AOAH: variants seen among roughly 807,000 people sequenced by gnomAD.
AOAH encodes acyloxyacyl hydrolase, also known as acyloxyacyl hydrolase (neutrophil).
AOAH carries 64 observed loss-of-function variants against 92.2 expected under a neutral mutation model. The observed-to-expected ratio is 0.69, with a 90% CI of 0.57 to 0.86. The LOEUF is 0.86. AOAH is among the 40% of genes least tolerant of loss of function. The pLI, the probability that AOAH is intolerant of heterozygous loss-of-function variation, is 0.00. For synonymous variants in AOAH, 263 were observed against 254.5 expected, an observed-to-expected ratio of 1.03 and a Z score of -0.32; for missense variants, 656 against 694.6, an observed-to-expected ratio of 0.94 and a Z score of 0.62.
At chr7:36,682,603 A>G (rs1329605212) in intron 2 of AOAH, among the ~76,000 whole-genome samples, 1 of 152,170 alleles carries the variant, frequency 6.6e-6, no homozygotes, top group Non-Finnish European at 1.5e-5. Context: ...CATTAATAAA[A>G]TGATATAAGA....
chr7:36,722,297 A>G (rs1015894126), intron 1 of AOAH, among the ~76,000 whole-genome samples: 1 of 152,100 alleles, frequency 6.6e-6, no homozygotes, highest in Non-Finnish European at 1.5e-5. Flanking sequence ...CTTACCCTCT[A>G]TGACCTCACT....
At chr7:36,659,424 T>A (rs1231486631) in intron 3 of AOAH, among the ~76,000 whole-genome samples, 159 bp from the exon 4 acceptor site, 1 of 152,190 alleles carries the variant, frequency 6.6e-6, no homozygotes, top group African/African-American at 2.4e-5. Flanking sequence ...TGCTGGATGG[T>A]AATGATTTCC....
At chr7:36,514,684 A>G in intron 20 of AOAH, 1 of 851,172 alleles carries the variant, frequency 1.2e-6, no homozygotes. Flanking sequence ...ATGCTGAGCA[A>G]TGAGAAATGT....
rs149881594 is a variant in AOAH at position 36,548,342 on chromosome 7, T to C, written c.1133+270A>G. 9.6e-3 allele frequency among the ~76,000 whole-genome samples: 1,467 copies of C among 152,302 alleles called. 18 individuals carry two copies. Among genetic ancestry groups the C allele is most frequent in the African/African-American group, 0.033 (1,388 of 41,546 alleles). On this transcript the variant is annotated intron_variant, in intron 15 of 20. Coordinates refer to ENST00000617537, the MANE Select transcript of AOAH (RefSeq NM_001637.4). ...CTGAGATTACAGGCACACGCCACCA[T>C]GCCCAGCTAATTGTTGTATTTTTAG... is the stretch of plus-strand genomic sequence containing the variant.
intron 11 of AOAH, 60 bp downstream of exon 11, chr7:36,616,320 C>A (rs1010734012): frequency 2.7e-5 from 38 of 1,383,376 alleles, no homozygotes; most frequent in Non-Finnish European, 3.8e-5. Context: ...TTAGAGAGAG[C>A]AAGAGGAAAC....
intron 1 of AOAH, among the ~76,000 whole-genome samples, chr7:36,715,911 G>A (rs936470007): frequency 1.3e-5 from 2 of 152,112 alleles, no homozygotes; most frequent in African/African-American, 2.4e-5. Context: ...GGACATAGGT[G>A]TGGGCAAGGA....
chr7:36,678,550 AGTGTGTGTGTGT>A (rs529261307), intron 2 of AOAH, among the ~76,000 whole-genome samples: 1,851 of 118,918 alleles, frequency 0.016, 40 homozygotes, highest in East Asian at 0.028. Flanking sequence ...TAAGATAAGC[AGTGTGTGTGTGT>A]GTGTGTGTGT....
chr7:36,540,170 C>T (rs1785323774), intron 16 of AOAH, 149 bp downstream of exon 16: 2 of 660,900 alleles, frequency 3.0e-6, no homozygotes, highest in African/African-American at 1.9e-5. Context: ...CCTTTAGATA[C>T]TGCACCTAGG....
Position 36,513,001 on chromosome 7 carries a change from T to A in AOAH, c.*251A>T, listed in dbSNP as rs1790128271. The A allele has an allele frequency of 1.3e-6, 2 of 1,496,438 alleles. No homozygotes were observed. The highest frequency in any genetic ancestry group is 4.0e-5 in the Admixed American group (2 of 50,220). The allele number at this position is 1,496,438 out of a possible 1,614,324, so 92.7% of individuals were successfully genotyped here. A position where few individuals can be genotyped will look rare whatever the true frequency, so the allele number is the denominator to read the frequency against. On this transcript the variant is annotated 3_prime_UTR_variant, in exon 21 of 21. Transcript: ENST00000617537. ...TAAAGGGCACAGATACTCTCTTGTTTGGAATGGCACCCAAAGCACTTTATG... is the reference window on the plus strand; with the variant it reads ...TAAAGGGCACAGATACTCTCTTGTTAGGAATGGCACCCAAAGCACTTTATG...
At chr7:36,587,491 G>A (rs59137335) in intron 12 of AOAH, among the ~76,000 whole-genome samples, 36,498 of 151,776 alleles carry the variant, frequency 0.24, 5,435 homozygotes, top group African/African-American at 0.41. Flanking sequence ...ACCTTGTTAC[G>A]TTAAAATGCA....
chr7:36,689,293 G>T (rs1797243662), intron 1 of AOAH, among the ~76,000 whole-genome samples: 1 of 152,194 alleles, frequency 6.6e-6, no homozygotes, highest in African/African-American at 2.4e-5. Flanking sequence ...ATATGGTGGA[G>T]ACTGGGTTGT....
chr7:36,542,343 T>C (rs1439151497), intron 15 of AOAH, among the ~76,000 whole-genome samples: 2 of 152,206 alleles, frequency 1.3e-5, no homozygotes, highest in Non-Finnish European at 2.9e-5. Flanking sequence ...CATCCAGAAC[T>C]GAGATGGAAT....
intron 3 of AOAH, among the ~76,000 whole-genome samples, chr7:36,671,631 C>CTG (rs1178576416): frequency 6.9e-6 from 1 of 145,656 alleles, no homozygotes; most frequent in African/African-American, 2.7e-5. Flanking sequence ...GTGTGTGCAT[C>CTG]TGTGTGTGTG....
At chr7:36,630,396 G>A (rs1792989238) in intron 6 of AOAH, among the ~76,000 whole-genome samples, 1 of 152,230 alleles carries the variant, frequency 6.6e-6, no homozygotes, top group Admixed American at 6.5e-5. Context: ...AAGAGTAAAA[G>A]AAGCAGGGGC....
intron 2 of AOAH, among the ~76,000 whole-genome samples, chr7:36,685,126 C>T (rs1277631711): frequency 6.6e-6 from 1 of 151,788 alleles, no homozygotes; most frequent in Non-Finnish European, 1.5e-5. Context: ...GAAACATACT[C>T]AATTATACTA....
At chr7:36,639,231 T>A (rs1423177748) in intron 4 of AOAH, among the ~76,000 whole-genome samples, 1 of 152,250 alleles carries the variant, frequency 6.6e-6, no homozygotes, top group Non-Finnish European at 1.5e-5. Flanking sequence ...TCCTATTGTA[T>A]AAATTAAGAT....
chr7:36,683,539 T>C (rs962780337), intron 2 of AOAH, among the ~76,000 whole-genome samples: 1 of 152,186 alleles, frequency 6.6e-6, no homozygotes, highest in African/African-American at 2.4e-5. Context: ...AATATATTAA[T>C]GATGGTATCA....
At chr7:36,531,754 C>T (rs945754068) in intron 18 of AOAH, among the ~76,000 whole-genome samples, 1 of 152,134 alleles carries the variant, frequency 6.6e-6, no homozygotes, top group Non-Finnish European at 1.5e-5. Context: ...TTCTTATTTA[C>T]CTTGGGAGAA....
Position 36,516,579 on chromosome 7 carries a change from T to C in AOAH, c.1600-3199A>G, listed in dbSNP as rs926834476. On this transcript the variant is annotated intron_variant, in intron 20 of 20. Coordinates refer to ENST00000617537, the MANE Select transcript of AOAH (RefSeq NM_001637.4). The surrounding 1 kb of genome is among the most constrained non-coding windows in gnomAD (Gnocchi z 5.0). ...GGCTGCCTGCGAAGCTGGCCAGTGCTCCAGGGAGGGCCGGATCATCTCTCA... is the reference window on the plus strand; with the variant it reads ...GGCTGCCTGCGAAGCTGGCCAGTGCCCCAGGGAGGGCCGGATCATCTCTCA... Among the ~76,000 whole-genome samples, 1 of 152,080 alleles carries C rather than the reference T, an allele frequency of 6.6e-6. No individual in the cohort carries two copies.
Sources: allele counts gnomAD v4.1 joint callset (sites outside exome capture counted in the v4.1 genomes callset), GRCh38; gene constraint gnomAD v4.1.1; non-coding constraint Gnocchi (gnomAD v3.1); transcripts MANE v1.5; gene names NCBI Gene and HGNC (gene_info 2026-07-23, HGNC 2026-07-21).